The following RARB variants were observed in gnomAD, a reference collection of about 807,000 sequenced individuals.
RARB encodes retinoic acid receptor beta, also known as HBV-activated protein.
RARB carries 17 observed loss-of-function variants against 51.9 expected under a neutral mutation model. The ratio of observed to expected loss-of-function variants is 0.33; its 90% CI spans 0.22 to 0.49. RARB has a LOEUF of 0.49. Among genes scored for constraint, RARB ranks in the 20% least tolerant of loss-of-function variants. The pLI is 0.99. For synonymous variants in RARB, 215 were observed against 195.4 expected (o/e 1.10, Z -0.84); for missense variants, 369 against 550.8 (o/e 0.67, Z 3.30).
At chr3:25,577,730 C>A (rs941053566) in intron 4 of RARB, among the ~76,000 whole-genome samples, 1 of 152,290 alleles carries the variant, frequency 6.6e-6, no homozygotes, top group East Asian at 1.9e-4. Context: ...GAAGGCAGCC[C>A]GTTGCAGCAG....
intron 1 of RARB, among the ~76,000 whole-genome samples, chr3:25,429,699 G>A (rs764396411): frequency 1.3e-5 from 2 of 152,184 alleles, no homozygotes; most frequent in Non-Finnish European, 2.9e-5. Context: ...GTTATCTGAT[G>A]CTGACACAGT....
intron 2 of RARB, among the ~76,000 whole-genome samples, chr3:24,938,695 G>A (rs1695595251): frequency 6.6e-6 from 1 of 152,130 alleles, no homozygotes; most frequent in East Asian, 1.9e-4. Flanking sequence ...CCAAACAGAA[G>A]CTGTGTACCC....
chr3:25,063,063 G>A (rs1173508970), intron 3 of RARB, among the ~76,000 whole-genome samples: 1 of 151,894 alleles, frequency 6.6e-6, no homozygotes, highest in African/African-American at 2.4e-5. Flanking sequence ...CAACTTCTGA[G>A]ATGCTTCTTA....
At chr3:25,108,542 G>A (rs151029354) in intron 3 of RARB, among the ~76,000 whole-genome samples, 3 of 152,072 alleles carry the variant, frequency 2.0e-5, no homozygotes, top group Non-Finnish European at 2.9e-5. Context: ...TACATCACTC[G>A]TAATCCTATT....
intron 2 of RARB, among the ~76,000 whole-genome samples, chr3:24,960,406 T>A (rs1447165583): frequency 6.6e-6 from 1 of 152,220 alleles, no homozygotes; most frequent in Non-Finnish European, 1.5e-5. Context: ...AAAATCTCAC[T>A]GAAAATATTT....
chr3:25,502,160 T>C (rs900526437), intron 3 of RARB, among the ~76,000 whole-genome samples: 1 of 152,202 alleles, frequency 6.6e-6, no homozygotes, highest in African/African-American at 2.4e-5. Context: ...TGGCGTGCTG[T>C]GCACATGTGA....
Position 25,047,890 on chromosome 3 carries a change from T to C in RARB, c.-379-12235T>C, listed in dbSNP as rs147136554. The stretch of plus-strand genomic sequence containing the variant: ...ACCTTGAATTGTAATAATCCCCACC[T>C]GTAAAGGGCAGGACAAAGTAGAGAT... On this transcript the variant is annotated intron_variant, in intron 2 of 11. Transcript: ENST00000383772. Among the ~76,000 whole-genome samples, 751 of 152,266 alleles carry C rather than the reference T, an allele frequency of 4.9e-3. 3 individuals are homozygous for C. The highest frequency in any genetic ancestry group is 8.0e-3 in the Non-Finnish European group (543 of 68,024).
At chr3:25,353,584 ATTTTT>A (rs3035062) in intron 5 of RARB, among the ~76,000 whole-genome samples, 1 of 144,912 alleles carries the variant, frequency 6.9e-6, no homozygotes, top group East Asian at 2.0e-4. Flanking sequence ...TGCTGCTGAG[ATTTTT>A]TTTTTTTTTG....
chr3:24,909,099 A>G (rs1694935399), intron 2 of RARB, among the ~76,000 whole-genome samples: 1 of 152,160 alleles, frequency 6.6e-6, no homozygotes, highest in Non-Finnish European at 1.5e-5. Flanking sequence ...GAGACAGGTT[A>G]TTATAATGGC....
chr3:25,464,659 A>T (rs527730196), intron 2 of RARB, among the ~76,000 whole-genome samples: 1 of 152,260 alleles, frequency 6.6e-6, no homozygotes, highest in South Asian at 2.1e-4. Flanking sequence ...ATATAACTTT[A>T]AAAAAATTAA....
intron 2 of RARB, among the ~76,000 whole-genome samples, chr3:24,892,038 G>C (rs1703390946): frequency 6.6e-6 from 1 of 152,052 alleles, no homozygotes; most frequent in South Asian, 2.1e-4. Flanking sequence ...AGCCCAGTTA[G>C]ACTTGTGAGG....
At chr3:24,963,306 GT>G (rs1177591040) in intron 2 of RARB, among the ~76,000 whole-genome samples, 1 of 151,662 alleles carries the variant, frequency 6.6e-6, no homozygotes, top group Non-Finnish European at 1.5e-5. Flanking sequence ...ATAAATGCCA[GT>G]GAGTTCATTG....
chr3:25,323,425 G>T (rs1704627265), intron 5 of RARB, among the ~76,000 whole-genome samples: 1 of 152,150 alleles, frequency 6.6e-6, no homozygotes, highest in Non-Finnish European at 1.5e-5. Flanking sequence ...TTTTCCATTT[G>T]TGCCCTAACA....
At chr3:25,416,379 A>G (rs1707704099) in intron 5 of RARB, among the ~76,000 whole-genome samples, 1 of 152,200 alleles carries the variant, frequency 6.6e-6, no homozygotes, top group Non-Finnish European at 1.5e-5. Flanking sequence ...ACAAAGTGAG[A>G]CTTTGTCTCA....
chr3:25,395,313 G>A (rs1021505446), intron 5 of RARB, among the ~76,000 whole-genome samples: 1 of 152,144 alleles, frequency 6.6e-6, no homozygotes, highest in African/African-American at 2.4e-5. Flanking sequence ...TGACGCTTTT[G>A]CCTCACAGCT....
chr3:24,855,133 G>A (rs1702615374), intron 1 of RARB, among the ~76,000 whole-genome samples: 1 of 152,182 alleles, frequency 6.6e-6, no homozygotes, highest in African/African-American at 2.4e-5. Flanking sequence ...AGAAGGACTG[G>A]GAAGATAGGA....
chr3:24,913,160 AT>A (rs1436279749), intron 2 of RARB, among the ~76,000 whole-genome samples: 8 of 150,882 alleles, frequency 5.3e-5, no homozygotes, highest in Admixed American at 5.3e-4. Flanking sequence ...TTGTTTTTGT[AT>A]TTTTAGTAGA....
At chr3:25,111,652 C>T (rs1699604010) in intron 3 of RARB, among the ~76,000 whole-genome samples, 1 of 141,454 alleles carries the variant, frequency 7.1e-6, no homozygotes, top group African/African-American at 2.6e-5. Flanking sequence ...AATCTCAGCT[C>T]ACTGCAACCT....
chr3:24,873,745 G>T (rs1437422889), intron 2 of RARB, among the ~76,000 whole-genome samples: 1 of 150,626 alleles, frequency 6.6e-6, no homozygotes, highest in Non-Finnish European at 1.5e-5. Context: ...CCACATATTT[G>T]GACACATGTG....
Sources: gnomAD v4.1 joint callset for allele counts (sites outside exome capture counted in the v4.1 genomes callset) on GRCh38, gnomAD v4.1.1 for gene constraint, MANE v1.5 for transcripts, NCBI Gene and HGNC (gene_info 2026-07-23, HGNC 2026-07-21) for gene names.